CNBD1: variants seen among roughly 807,000 people sequenced by gnomAD.
The protein encoded by CNBD1 is cyclic nucleotide binding domain containing 1, also known as cyclic nucleotide-binding domain-containing protein 1.
In CNBD1, 71 loss-of-function variants were observed where a neutral mutation model predicts 54.4. The ratio of observed to expected loss-of-function variants is 1.30; its 90% CI spans 1.08 to 1.59. CNBD1 has a LOEUF of 1.59. Among genes scored for constraint, CNBD1 ranks in the 40% most tolerant of loss-of-function variants. The pLI is 0.00. For synonymous variants in CNBD1, 182 were observed against 170.7 expected, an observed-to-expected ratio of 1.07 and a Z score of -0.51; for missense variants, 659 against 518.0, an observed-to-expected ratio of 1.27 and a Z score of -2.64.
At chr8:87,283,967 A>G (rs1808645589) in intron 6 of CNBD1, among the ~76,000 whole-genome samples, 1 of 152,152 alleles carries the variant, frequency 6.6e-6, no homozygotes, top group Non-Finnish European at 1.5e-5. Flanking sequence ...GCTAAAAAGA[A>G]AAATAGTCTA....
At chr8:87,259,111 A>G (rs1404836235) in intron 6 of CNBD1, among the ~76,000 whole-genome samples, 1 of 152,142 alleles carries the variant, frequency 6.6e-6, no homozygotes, top group African/African-American at 2.4e-5. Flanking sequence ...AATTTTTAAC[A>G]ATTTTCACTT....
At chr8:87,359,439 A>T (rs1455782822) in intron 10 of CNBD1, among the ~76,000 whole-genome samples, 3 of 152,174 alleles carry the variant, frequency 2.0e-5, no homozygotes, top group Non-Finnish European at 4.4e-5. Flanking sequence ...ACAAGGAAAT[A>T]AAATATTGTG....
intron 4 of CNBD1, among the ~76,000 whole-genome samples, chr8:87,078,012 A>G (rs1810911433): frequency 6.6e-6 from 1 of 152,186 alleles, no homozygotes; most frequent in Admixed American, 6.5e-5. Flanking sequence ...TCATGACTTA[A>G]TAACCTCCCA....
intron 6 of CNBD1, among the ~76,000 whole-genome samples, chr8:87,273,211 AT>A (rs1161182784): frequency 2.0e-5 from 3 of 152,006 alleles, no homozygotes; most frequent in Non-Finnish European, 4.4e-5. Context: ...AGCTCAAATT[AT>A]TTTATTAATT....
intron 2 of CNBD1, among the ~76,000 whole-genome samples, chr8:87,404,191 C>T (rs111673446): frequency 1.3e-5 from 2 of 151,924 alleles, no homozygotes; most frequent in Non-Finnish European, 2.9e-5. Flanking sequence ...CCAACGTGGG[C>T]AGTGGCAGGG....
intron 8 of CNBD1, among the ~76,000 whole-genome samples, chr8:87,303,280 A>T (rs1251119421): frequency 6.6e-6 from 1 of 151,992 alleles, no homozygotes; most frequent in African/African-American, 2.4e-5. Flanking sequence ...TACTGGTACC[A>T]AAACAGAGAT....
intron 4 of CNBD1, among the ~76,000 whole-genome samples, chr8:87,003,127 T>G (rs1375861984): frequency 6.6e-6 from 1 of 152,190 alleles, no homozygotes; most frequent in Non-Finnish European, 1.5e-5. Flanking sequence ...AAAGGAATAC[T>G]TTTACAGCAG....
chr8:87,004,593 C>CTT (rs1375259540), intron 4 of CNBD1, among the ~76,000 whole-genome samples: 3 of 150,486 alleles, frequency 2.0e-5, no homozygotes, highest in Admixed American at 2.0e-4. Flanking sequence ...GCACAAAAAT[C>CTT]TAAGTGCTTA....
intron 3 of CNBD1, among the ~76,000 whole-genome samples, chr8:86,907,311 A>G (rs1809032443): frequency 6.6e-6 from 1 of 152,224 alleles, no homozygotes; most frequent in South Asian, 2.1e-4. Flanking sequence ...AAGAGTGGGG[A>G]ATATTGTTGA....
intron 4 of CNBD1, among the ~76,000 whole-genome samples, chr8:87,149,225 A>T (rs938169377): frequency 2.0e-5 from 3 of 152,180 alleles, no homozygotes; most frequent in Non-Finnish European, 4.4e-5. Context: ...GAGTGTACTG[A>T]TTTCATAAAG....
At chr8:87,239,155 A>G (rs1013891730) in intron 6 of CNBD1, among the ~76,000 whole-genome samples, 1 of 152,178 alleles carries the variant, frequency 6.6e-6, no homozygotes. Context: ...TTTTGAAAAA[A>G]TGAAAAGATA....
chr8:87,180,362 C>T (rs1289118173), intron 4 of CNBD1, among the ~76,000 whole-genome samples: 1 of 152,050 alleles, frequency 6.6e-6, no homozygotes, highest in Non-Finnish European at 1.5e-5. Flanking sequence ...TCAATTATGA[C>T]TTTGTATCAT....
intron 1 of CNBD1, among the ~76,000 whole-genome samples, chr8:86,879,668 G>A (rs1445377104): frequency 6.6e-6 from 1 of 152,090 alleles, no homozygotes; most frequent in Non-Finnish European, 1.5e-5. Context: ...TCAGGAGATC[G>A]AGACTATCCT....
At chr8:87,298,222 A>G (rs1420657131) in intron 8 of CNBD1, among the ~76,000 whole-genome samples, 1 of 151,964 alleles carries the variant, frequency 6.6e-6, no homozygotes, top group African/African-American at 2.4e-5. Flanking sequence ...CCACTTGCAA[A>G]TAGACTATGC....
intron 8 of CNBD1, among the ~76,000 whole-genome samples, chr8:87,340,413 G>A (rs569517050): frequency 1.3e-5 from 2 of 152,214 alleles, no homozygotes; most frequent in Admixed American, 1.3e-4. Context: ...GGGAGGCATT[G>A]GGCTTCCTGA....
chr8:87,374,154 G>C (rs1014627036), intron 10 of CNBD1, among the ~76,000 whole-genome samples: 1 of 151,708 alleles, frequency 6.6e-6, no homozygotes, highest in Non-Finnish European at 1.5e-5. Flanking sequence ...CCATCAACAT[G>C]TATATGACAG....
In CNBD1 at chr8:87,078,382, T is replaced by C. The variant is rs1418970341; in HGVS notation, c.432-127611T>C. Among the ~76,000 whole-genome samples, 3 of 152,250 alleles carry C rather than the reference T, an allele frequency of 2.0e-5. No individual in the cohort carries two copies. In the East Asian group the frequency reaches 5.8e-4, roughly 29 times the overall value. ...AGCTGTGTGAATGTTGCTAGTTTTA[T>C]TTCTCAAAGCAGTACATTTGTAGAT... On this transcript the variant is annotated intron_variant, in intron 4 of 10. Transcript: ENST00000518476.
chr8:87,188,524 G>T (rs1306367839), intron 4 of CNBD1, among the ~76,000 whole-genome samples: 1 of 151,924 alleles, frequency 6.6e-6, no homozygotes, highest in East Asian at 1.9e-4. Flanking sequence ...GAGGTCACGA[G>T]TTCGAGACCA....
chr8:86,919,882 G>A (rs1002446613), intron 3 of CNBD1, among the ~76,000 whole-genome samples: 2 of 152,022 alleles, frequency 1.3e-5, no homozygotes, highest in Non-Finnish European at 2.9e-5. Flanking sequence ...AATTCAGAGG[G>A]TCTTGAGTGT....
Sources: allele counts gnomAD v4.1 joint callset (sites outside exome capture counted in the v4.1 genomes callset), GRCh38; gene constraint gnomAD v4.1.1; transcripts MANE v1.5; gene names NCBI Gene and HGNC (gene_info 2026-07-23, HGNC 2026-07-21).